The following WDR72 variants were observed in gnomAD, a reference collection of about 807,000 sequenced individuals.
The protein encoded by WDR72 is WD repeat-containing protein 72.
In WDR72, 120 loss-of-function variants were observed where a neutral mutation model predicts 124.2. That is an observed-to-expected ratio of 0.97 (90% CI 0.83 to 1.12). The LOEUF is 1.12. Among genes scored for constraint, WDR72 ranks in the 50% most tolerant of loss-of-function variants. The pLI is 0.00. For missense variants in WDR72, 1,387 were observed against 1,278.8 expected, an observed-to-expected ratio of 1.08 and a Z score of -1.29; for synonymous variants, 452 against 441.7, an observed-to-expected ratio of 1.02 and a Z score of -0.29.
chr15:53,587,001 AG>A (rs533656138), intron 18 of WDR72, among the ~76,000 whole-genome samples: 75 of 152,058 alleles, frequency 4.9e-4, no homozygotes, highest in African/African-American at 1.8e-3. Context: ...ACTGCCCCCT[AG>A]GGGGAGGCTT....
At chr15:53,574,931 C>T (rs928923755) in intron 18 of WDR72, among the ~76,000 whole-genome samples, 3 of 151,780 alleles carry the variant, frequency 2.0e-5, no homozygotes, top group South Asian at 2.1e-4. Flanking sequence ...ACCAAGCCCT[C>T]ACTTCCAAGT....
At chr15:53,719,095 T>G (rs2017800067) in intron 3 of WDR72, among the ~76,000 whole-genome samples, 1 of 152,158 alleles carries the variant, frequency 6.6e-6, no homozygotes. Flanking sequence ...TATTATTTTC[T>G]CTTGACCTCA....
At chr15:53,652,640 T>C (rs954547693) in intron 14 of WDR72, among the ~76,000 whole-genome samples, 28 of 152,174 alleles carry the variant, frequency 1.8e-4, no homozygotes, top group African/African-American at 6.5e-4. Flanking sequence ...TTCAGGGAAG[T>C]AGAGGCTCCT....
chr15:53,757,492 A>G (rs182221281), intron 1 of WDR72, among the ~76,000 whole-genome samples: 3 of 152,080 alleles, frequency 2.0e-5, no homozygotes, highest in Admixed American at 2.0e-4. Flanking sequence ...GCATGGTGGC[A>G]GGCACCTGTA....
intron 13 of WDR72, among the ~76,000 whole-genome samples, chr15:53,671,886 T>C (rs558203490): frequency 1.4e-5 from 2 of 139,386 alleles, no homozygotes; most frequent in Admixed American, 1.5e-4. Flanking sequence ...AATAAGAAAA[T>C]GCACAGAGAG....
intron 11 of WDR72, among the ~76,000 whole-genome samples, chr15:53,704,054 T>C (rs1360208913): frequency 1.3e-5 from 2 of 152,282 alleles, no homozygotes; most frequent in East Asian, 3.9e-4. Flanking sequence ...ACTCCTCCAC[T>C]TCAGTCAATC....
At chr15:53,690,593 T>C (rs76967904) in intron 13 of WDR72, among the ~76,000 whole-genome samples, 4,097 of 152,296 alleles carry the variant, frequency 0.027, 98 homozygotes, top group East Asian at 0.069. Context: ...CAAGGTTCAT[T>C]CAAGTTGTAG....
In WDR72 at chr15:53,621,848, G is replaced by C. The variant is rs141623584; in HGVS notation, c.1963-5605C>G. ...AGCGTGAAGAGACAACCTATAGAAT[G>C]GGAGAAAGTTTTTGCAATCTATGCA... On this transcript the variant is annotated intron_variant, in intron 14 of 19. Transcript: ENST00000360509. Among the ~76,000 whole-genome samples, 455 of 152,060 alleles carry C rather than the reference G, an allele frequency of 3.0e-3. 2 individuals carry two copies. Among genetic ancestry groups the C allele is most frequent in the African/African-American group, 0.011 (447 of 41,480 alleles).
chr15:53,541,334 C>A (rs994772287), intron 18 of WDR72, among the ~76,000 whole-genome samples: 2 of 152,090 alleles, frequency 1.3e-5, no homozygotes, highest in African/African-American at 4.8e-5. Context: ...GGTCCCTGAC[C>A]CCTGACCCCC....
At chr15:53,579,567 C>T (rs554094121) in intron 18 of WDR72, among the ~76,000 whole-genome samples, 2 of 152,152 alleles carry the variant, frequency 1.3e-5, no homozygotes, top group South Asian at 4.1e-4. Flanking sequence ...ACCACCAAGC[C>T]ATTTTCAGAA....
chr15:53,723,055 A>G, intron 2 of WDR72, 147 bp from the exon 3 acceptor site: 1 of 739,792 alleles, frequency 1.4e-6, no homozygotes, highest in Non-Finnish European at 2.3e-6. Context: ...TGTAATAACA[A>G]CATCCACAGA....
intron 3 of WDR72, among the ~76,000 whole-genome samples, chr15:53,718,078 T>C (rs1595871162): frequency 6.6e-6 from 1 of 152,134 alleles, no homozygotes; most frequent in Non-Finnish European, 1.5e-5. Context: ...AAATTTTAGC[T>C]CTTTAAGGGA....
intron 18 of WDR72, among the ~76,000 whole-genome samples, chr15:53,530,199 T>TG (rs1892373157): frequency 1.3e-5 from 2 of 151,222 alleles, no homozygotes; most frequent in African/African-American, 4.8e-5. Flanking sequence ...ATAAGAAACA[T>TG]TACTTCTTAT....
Position 53,609,476 on chromosome 15 carries a change from T to G in WDR72, c.2952+37A>C, listed in dbSNP as rs767752491. On this transcript the variant is annotated intron_variant, in intron 17 of 19. Transcript: ENST00000360509. ...TCCATGAACCACAGCAGCAAGGAAC[T>G]CTTCTAATAACGTCATGAATGTGAA... 4.5e-6 allele frequency: 7 copies of G among 1,568,640 alleles called. No homozygotes were observed. In the African/African-American group the frequency reaches 9.5e-5, roughly 21 times the overall value.
intron 14 of WDR72, among the ~76,000 whole-genome samples, chr15:53,626,387 G>A (rs58697557): frequency 0.051 from 7,740 of 152,230 alleles, 680 homozygotes; most frequent in African/African-American, 0.18. Context: ...GCAGCAACGG[G>A]CACCTTGCTG....
intron 1 of WDR72, among the ~76,000 whole-genome samples, chr15:53,737,280 T>G (rs2018384164): frequency 6.6e-6 from 1 of 152,140 alleles, no homozygotes; most frequent in Admixed American, 6.5e-5. Context: ...GAAGTCTGCT[T>G]GAAGGACCTC....
At chr15:53,644,411 T>C (rs2014967611) in intron 14 of WDR72, among the ~76,000 whole-genome samples, 1 of 152,118 alleles carries the variant, frequency 6.6e-6, no homozygotes, top group South Asian at 2.1e-4. Context: ...GTAACTATTT[T>C]TTAAAGGATT....
At position 53,724,896 on chromosome 15, in the gene WDR72, T is replaced by C. The variant is rs886918592; in HGVS notation, c.154-1988A>G. On this transcript the variant is annotated intron_variant, in intron 2 of 19. Coordinates refer to ENST00000360509, the MANE Select transcript of WDR72 (RefSeq NM_182758.4). ...AGACTAAATATCAGACCAGTTACCATGGAGGAAATTTTAGGCTTCAAGTTT... is the reference window on the plus strand; with the variant it reads ...AGACTAAATATCAGACCAGTTACCACGGAGGAAATTTTAGGCTTCAAGTTT... Among the ~76,000 whole-genome samples, 7 of 152,112 alleles carry C rather than the reference T, an allele frequency of 4.6e-5. No individual in the cohort carries two copies. The South Asian group carries it at 1.2e-3, about 27-fold the overall frequency.
Position 53,714,417 on chromosome 15 carries a change from A to T in WDR72, c.591+17T>A. The T allele has an allele frequency of 6.2e-7, 1 of 1,606,272 alleles. No individual in the cohort carries two copies. Among genetic ancestry groups the T allele is most frequent in the Non-Finnish European group, 8.5e-7 (1 of 1,172,940 alleles). Reference sequence around the variant, plus strand: ...CTTGAAATTGTAAGGAAAAAAGAGTAGGGTTCCCAAGCCAACCTGAATGCT... The same window carrying T: ...CTTGAAATTGTAAGGAAAAAAGAGTTGGGTTCCCAAGCCAACCTGAATGCT... On this transcript the variant is annotated intron_variant, in intron 6 of 19. Transcript: ENST00000360509.
Sources: allele counts gnomAD v4.1 joint callset (sites outside exome capture counted in the v4.1 genomes callset), GRCh38; gene constraint gnomAD v4.1.1; transcripts MANE v1.5; gene names NCBI Gene and HGNC (gene_info 2026-07-23, HGNC 2026-07-21).